LTAP1: variants seen among roughly 807,000 people sequenced by gnomAD.
LTAP1 encodes lipid transport auxiliary protein 1.
chr1:154,208,691 T>C, the LTAP1 span, among the ~76,000 whole-genome samples: 1 of 152,178 alleles, frequency 6.6e-6, no homozygotes, highest in African/African-American at 2.4e-5. Flanking sequence ...GTTTGTCAGA[T>C]TTCAAAGCCT....
the LTAP1 span, chr1:154,207,354 G>T: frequency 1.8e-6 from 2 of 1,117,940 alleles, no homozygotes; most frequent in African/African-American, 1.5e-5. Flanking sequence ...TACAGTCTGG[G>T]CCTGCTGGGC....
At chr1:154,207,370 G>T in the LTAP1 span, 1 of 1,348,710 alleles carries the variant, frequency 7.4e-7, no homozygotes, top group Non-Finnish European at 1.1e-6. Context: ...TGGGCCAGAT[G>T]TTCCGAGGGC....
At chr1:154,217,211 A>C in the LTAP1 span, among the ~76,000 whole-genome samples, 2 of 152,102 alleles carry the variant, frequency 1.3e-5, no homozygotes, top group African/African-American at 2.4e-5. Context: ...AGCCTCCCAA[A>C]GTGCTGGGAT....
the LTAP1 span, among the ~76,000 whole-genome samples, chr1:154,215,878 C>T: frequency 6.6e-6 from 1 of 151,038 alleles, no homozygotes; most frequent in South Asian, 2.1e-4. Flanking sequence ...CGCTCTGTCG[C>T]CCAGGCTGGA....
chr1:154,217,438 C>T, the LTAP1 span, among the ~76,000 whole-genome samples: 2 of 152,300 alleles, frequency 1.3e-5, no homozygotes, highest in African/African-American at 4.8e-5. Context: ...TACTCTTTTA[C>T]AGTTCTGCCT....
the LTAP1 span, among the ~76,000 whole-genome samples, chr1:154,217,412 C>T: frequency 2.6e-5 from 4 of 152,344 alleles, no homozygotes; most frequent in East Asian, 7.7e-4. Context: ...CCTCTCCCAG[C>T]CCAGGCAACA....
At chr1:154,220,162 TA>T in the LTAP1 span, 1 of 823,122 alleles carries the variant, frequency 1.2e-6, no homozygotes, top group Admixed American at 2.2e-5. Context: ...GGTTCTAGAC[TA>T]ACGAGGGCGG....
At chr1:154,217,452 C>G in the LTAP1 span, among the ~76,000 whole-genome samples, 1 of 152,156 alleles carries the variant, frequency 6.6e-6, no homozygotes, top group Admixed American at 6.6e-5. Flanking sequence ...TCTGCCTGTT[C>G]TAGAATTTCA....
the LTAP1 span, among the ~76,000 whole-genome samples, chr1:154,218,516 T>C: frequency 6.6e-6 from 1 of 152,364 alleles, no homozygotes; most frequent in East Asian, 1.9e-4. Context: ...TTTCATGTAC[T>C]ATGTCAGCAA....
chr1:154,207,878 ATTGT>A, the LTAP1 span, among the ~76,000 whole-genome samples: 4 of 152,190 alleles, frequency 2.6e-5, no homozygotes, highest in African/African-American at 9.6e-5. Flanking sequence ...AGGCAGGTGG[ATTGT>A]TTGAGGTCAG....
chr1:154,212,232 T>C, the LTAP1 span: 1 of 1,373,174 alleles, frequency 7.3e-7, no homozygotes, highest in Non-Finnish European at 1.0e-6. Flanking sequence ...TGGATTTTGT[T>C]TATATGCTTT....
the LTAP1 span, chr1:154,212,218 A>C: frequency 1.1e-5 from 14 of 1,219,616 alleles, no homozygotes; most frequent in East Asian, 2.3e-5. Flanking sequence ...CTCTTATGGT[A>C]TCATGGATTT....
At chr1:154,220,465 C>T in the LTAP1 span, 2 of 1,605,080 alleles carry the variant, frequency 1.2e-6, no homozygotes. Flanking sequence ...GGCTGGTCAG[C>T]CCAGGCTCCG....
chr1:154,217,231 T>G, the LTAP1 span, among the ~76,000 whole-genome samples: 23 of 152,036 alleles, frequency 1.5e-4, no homozygotes, highest in African/African-American at 5.3e-4. Context: ...TTACAGGCGT[T>G]AGCCACCGCA....
chr1:154,219,694 G>A, the LTAP1 span: 1 of 656,400 alleles, frequency 1.5e-6, no homozygotes, highest in Non-Finnish European at 2.6e-6. Context: ...AGCGCACAGT[G>A]CCTGCTCAAC....
At chr1:154,220,034 G>C in the LTAP1 span, 1 of 1,093,006 alleles carries the variant, frequency 9.1e-7, no homozygotes, top group South Asian at 1.6e-5. Flanking sequence ...CCCAGATTCC[G>C]GCTCTCAGGA....
At chr1:154,219,383 C>T in the LTAP1 span, among the ~76,000 whole-genome samples, 1 of 152,180 alleles carries the variant, frequency 6.6e-6, no homozygotes, top group Admixed American at 6.5e-5. Context: ...TGGTAAACTG[C>T]CTCCTTTTCT....
chr1:154,214,479 T>C, the LTAP1 span: 2 of 1,613,480 alleles, frequency 1.2e-6, no homozygotes, highest in Non-Finnish European at 1.7e-6. Flanking sequence ...GGGTTTCCAG[T>C]TGTAGTAGTC....
At chr1:154,219,677 G>A in the LTAP1 span, among the ~76,000 whole-genome samples, 1 of 152,214 alleles carries the variant, frequency 6.6e-6, no homozygotes, top group East Asian at 1.9e-4. Flanking sequence ...GGTAAGCCAA[G>A]TTCCAAAGCG....
Sources: allele counts gnomAD v4.1 joint callset (sites outside exome capture counted in the v4.1 genomes callset), GRCh38; gene constraint gnomAD v4.1.1; transcripts MANE v1.5; gene names NCBI Gene and HGNC (gene_info 2026-07-23, HGNC 2026-07-21).